Variants in MFAP3 observed in about 807,000 individuals in gnomAD.
MFAP3 encodes the protein microfibril-associated glycoprotein 3.
MFAP3 carries 8 observed loss-of-function variants against 20.5 expected under a neutral mutation model. The ratio of observed to expected loss-of-function variants is 0.39; its 90% CI spans 0.23 to 0.70. The LOEUF is 0.70. Ranked by LOEUF, MFAP3 falls within the 30% of genes least tolerant of loss-of-function variation. MFAP3 has a pLI of 0.44. For synonymous variants in MFAP3, 140 were observed against 154.0 expected, an observed-to-expected ratio of 0.91 and a Z score of 0.67; for missense variants, 398 against 444.6, an observed-to-expected ratio of 0.90 and a Z score of 0.94.
rs1773238390 is a variant in MFAP3 at position 154,053,071 on chromosome 5, C to T, written c.447C>T (p.Val149=). 1.2e-6 allele frequency: 2 copies of T among 1,613,826 alleles called. No individual in the cohort carries two copies. Among genetic ancestry groups the T allele is most frequent in the Non-Finnish European group, 1.7e-6 (2 of 1,179,870 alleles). ...RVIFTSGDMS[V]YYMIVCLIAF... is the part of the protein sequence containing the mutation. ...TCTTCACCTCGGGAGACATGAGTGT[C>T]TATTACATGATTGTTTGCCTGATTG... The change falls in exon 3 of 3, where the codon GTC becomes GTT. Residue 149 remains valine, a synonymous_variant. Transcript: ENST00000522782.
At chr5:154,045,276 G>A (rs555389036) in intron 1 of MFAP3, among the ~76,000 whole-genome samples, 157 of 152,298 alleles carry the variant, frequency 1.0e-3, no homozygotes, top group Non-Finnish European at 1.9e-3. Flanking sequence ...GAGGGGAGCC[G>A]TTGGGTAAGT....
chr5:154,043,742 A>ATATATATT (rs149312866), intron 1 of MFAP3, among the ~76,000 whole-genome samples: 3 of 142,948 alleles, frequency 2.1e-5, no homozygotes, highest in Non-Finnish European at 4.7e-5. Flanking sequence ...ATATATATAT[A>ATATATATT]TTTTTTTTTC....
In MFAP3 at chr5:154,054,033, T is replaced by A. The variant is rs1561592499; in HGVS notation, c.*320T>A. On this transcript the variant is annotated 3_prime_UTR_variant, in exon 3 of 3. Coordinates refer to ENST00000522782, the MANE Select transcript of MFAP3 (RefSeq NM_005927.5). Reference sequence around the variant, plus strand: ...TTCTGGTCACAGTTCTTCCATTGGTTGGATCTGATACTTATCTTGGGACTT... The same window carrying A: ...TTCTGGTCACAGTTCTTCCATTGGTAGGATCTGATACTTATCTTGGGACTT... 1 of 260,750 alleles carries A rather than the reference T, an allele frequency of 3.8e-6. No homozygotes were observed. Among genetic ancestry groups the A allele is most frequent in the East Asian group, 8.8e-5 (1 of 11,320 alleles). 16.2% of individuals were successfully genotyped at this position (260,750 alleles called of 1,614,324 possible).
rs780062077 is a variant in MFAP3, at chr5:154,053,105, A to G, written c.481A>G (p.Ile161Val). 4.3e-5 allele frequency: 69 copies of G among 1,613,716 alleles called. No homozygotes were observed. The highest frequency in any genetic ancestry group is 1.6e-4 in the Middle Eastern group (1 of 6,082). The part of the protein sequence containing the change: ...YMIVCLIAFT[I>V]TLILNVTRLC... ...GATTGTTTGCCTGATTGCCTTTACA[A>G]TCACACTCATCTTGAATGTCACACG... Residue 161 changes from isoleucine (I) to valine (V), a missense_variant, in exon 3 of 3, where the codon ATC becomes GTC. Physicochemically the swap from Ile to Val is conservative, Grantham distance 29 (BLOSUM62 3). Transcript: ENST00000522782.
chr5:154,042,473 A>G (rs934909721), intron 1 of MFAP3, among the ~76,000 whole-genome samples: 4 of 152,208 alleles, frequency 2.6e-5, no homozygotes, highest in Non-Finnish European at 5.9e-5. Context: ...TAGTAATATA[A>G]AGGCTATTTT....
rs749253284 is a variant in MFAP3, at chr5:154,054,500, A to T, written c.*787A>T. On this transcript the variant is annotated 3_prime_UTR_variant, in exon 3 of 3. Transcript: ENST00000522782. ...GAGGTTGGCAGGGATTGCCTAACTG[A>T]TCTTCCAAAGTGAGCAGTTTATTTC... 1.2e-5 allele frequency: 2 copies of T among 166,990 alleles called. No individual in the cohort carries two copies. The highest frequency in any genetic ancestry group is 6.5e-5 in the Admixed American group (1 of 15,278). The allele number at this position is 166,990 out of a possible 1,614,324, so 10.3% of individuals were successfully genotyped here. A position where few individuals can be genotyped will look rare whatever the true frequency, so the allele number is the denominator to read the frequency against.
At position 154,049,739 on chromosome 5, in the gene MFAP3, G is replaced by A; in HGVS notation, c.17G>A (p.Cys6Tyr). Reference sequence around the variant, plus strand: ...CATTTTCCCATGAAGCTACATTGTTGCTTATTCACTTTAGTGGCAAGTATT... The same window carrying A: ...CATTTTCCCATGAAGCTACATTGTTACTTATTCACTTTAGTGGCAAGTATT... MKLHCCLFTLVASIIV... is the reference protein window; with the variant it reads MKLHCYLFTLVASIIV... The change falls in exon 2 of 3, where the codon TGC becomes TAC. Residue 6 changes from cysteine to tyrosine, a missense_variant. Coordinates refer to ENST00000522782, the MANE Select transcript of MFAP3 (RefSeq NM_005927.5). The A allele has an allele frequency of 6.2e-7, 1 of 1,613,040 alleles. No individual in the cohort carries two copies. The highest frequency in any genetic ancestry group is 8.5e-7 in the Non-Finnish European group (1 of 1,179,314).
chr5:154,042,231 C>T (rs961973101), intron 1 of MFAP3, among the ~76,000 whole-genome samples: 1 of 152,188 alleles, frequency 6.6e-6, no homozygotes, highest in African/African-American at 2.4e-5. Flanking sequence ...CTGGGAAGAT[C>T]ATAAATCTAA....
chr5:154,055,023 T>G lies in MFAP3; in HGVS notation c.*1310T>G, dbSNP rs1474427013. On this transcript the variant is annotated 3_prime_UTR_variant, in exon 3 of 3. Coordinates refer to ENST00000522782, the MANE Select transcript of MFAP3 (RefSeq NM_005927.5). ...TGCTTCAACTGTATATAATAAACAC[T>G]TATGATGACATTTCTTGCCTGGCTG... 6.0e-6 allele frequency: 1 copy of G among 166,782 alleles called. No homozygotes were observed. Among genetic ancestry groups the G allele is most frequent in the Admixed American group, 6.5e-5 (1 of 15,278 alleles). The allele number at this position is 166,782 out of a possible 1,614,324, so 10.3% of individuals were successfully genotyped here.
rs959207645 is a variant in MFAP3 at position 154,054,795 on chromosome 5, G to C, written c.*1082G>C. 6.0e-6 allele frequency: 1 copy of C among 167,040 alleles called. No homozygotes were observed. Among genetic ancestry groups the C allele is most frequent in the African/African-American group, 2.4e-5 (1 of 41,434 alleles). The allele number at this position is 167,040 out of a possible 1,614,324, so 10.3% of individuals were successfully genotyped here. On this transcript the variant is annotated 3_prime_UTR_variant, in exon 3 of 3. Transcript: ENST00000522782. ...GGTTGCATGCGTCTTTATCTTGTTT[G>C]TTTGGTTAATATTTTGTTGTTGAGG...
At chr5:154,039,769 C>G (rs1772868785) in intron 1 of MFAP3, among the ~76,000 whole-genome samples, 1 of 152,142 alleles carries the variant, frequency 6.6e-6, no homozygotes, top group South Asian at 2.1e-4. Flanking sequence ...TCTTATTGTA[C>G]AGATAAGAAA....
intron 1 of MFAP3, among the ~76,000 whole-genome samples, chr5:154,040,687 C>T (rs1265355385): frequency 6.6e-6 from 1 of 152,178 alleles, no homozygotes; most frequent in Non-Finnish European, 1.5e-5. Context: ...GCCCAGGCAT[C>T]CCCTAGAGAT....
At chr5:154,050,415 A>G (rs1200966359) in intron 2 of MFAP3, among the ~76,000 whole-genome samples, 1 of 152,130 alleles carries the variant, frequency 6.6e-6, no homozygotes, top group Non-Finnish European at 1.5e-5. Flanking sequence ...CTGTGTGAAT[A>G]CATCCAGAAG....
At chr5:154,039,202 C>T (rs1772832006) in intron 1 of MFAP3, 191 bp downstream of exon 1, 1 of 152,230 alleles carries the variant, frequency 6.6e-6, no homozygotes, top group Admixed American at 6.5e-5. Context: ...CAGGCACTGC[C>T]CTGGGCTCCA....
intron 1 of MFAP3, among the ~76,000 whole-genome samples, chr5:154,045,895 A>G (rs1467382632): frequency 6.6e-6 from 1 of 152,200 alleles, no homozygotes; most frequent in Non-Finnish European, 1.5e-5. Flanking sequence ...GAAATATTCA[A>G]ATAGCCTGAA....
Position 154,054,961 on chromosome 5 carries a change from G to A in MFAP3, c.*1248G>A, listed in dbSNP as rs1167393872. On this transcript the variant is annotated 3_prime_UTR_variant, in exon 3 of 3. Coordinates refer to ENST00000522782, the MANE Select transcript of MFAP3 (RefSeq NM_005927.5). ...TTAAAATACACACACAACTGATCTAGACATCAAGAGGAAGAAAAATGATGG... is the reference window on the plus strand; with the variant it reads ...TTAAAATACACACACAACTGATCTAAACATCAAGAGGAAGAAAAATGATGG... 6.0e-6 allele frequency: 1 copy of A among 166,964 alleles called. No individual in the cohort carries two copies. Among genetic ancestry groups the A allele is most frequent in the Non-Finnish European group, 1.5e-5 (1 of 68,120 alleles). 10.3% of individuals were successfully genotyped at this position (166,964 alleles called of 1,614,324 possible). A position where few individuals can be genotyped will look rare whatever the true frequency, so the allele number is the denominator to read the frequency against.
chr5:154,047,475 G>T (rs958758951), intron 1 of MFAP3, among the ~76,000 whole-genome samples: 4 of 152,150 alleles, frequency 2.6e-5, no homozygotes, highest in African/African-American at 7.2e-5. Flanking sequence ...AAGAAATGAG[G>T]TGGCATTAAA....
intron 2 of MFAP3, chr5:154,051,771 C>A (rs1038266153): frequency 3.3e-5 from 5 of 152,122 alleles, no homozygotes; most frequent in African/African-American, 9.7e-5. Flanking sequence ...TGAAAATGGA[C>A]AAAATCCAGA....
In MFAP3 at chr5:154,039,925, T is replaced by C. The variant is rs1171454344; in HGVS notation, c.-167+914T>C. 2.0e-5 allele frequency among the ~76,000 whole-genome samples: 3 copies of C among 152,218 alleles called. No individual in the cohort carries two copies. In the East Asian group the frequency reaches 5.8e-4, roughly 29 times the overall value. ...CTCTTCAGATATTTTCCTTTGCTTT[T>C]GACAGTGGTTCTCTAAATTTAGGTT... On this transcript the variant is annotated intron_variant, in intron 1 of 2. Coordinates refer to ENST00000522782, the MANE Select transcript of MFAP3 (RefSeq NM_005927.5).
Sources: gnomAD v4.1 joint callset for allele counts (sites outside exome capture counted in the v4.1 genomes callset) on GRCh38, gnomAD v4.1.1 for gene constraint, MANE v1.5 for transcripts, NCBI Gene and HGNC (gene_info 2026-07-23, HGNC 2026-07-21) for gene names.